SLX4IP: variants seen among roughly 807,000 people sequenced by gnomAD.
SLX4IP encodes SLX4 interacting protein.
In SLX4IP, 34 loss-of-function variants were observed where a neutral mutation model predicts 32.9. The ratio of observed to expected loss-of-function variants is 1.03; its 90% confidence interval spans 0.79 to 1.38. SLX4IP has a LOEUF of 1.38. SLX4IP is among the 40% of genes most tolerant of loss of function. The pLI is 0.00. For missense variants in SLX4IP, 444 were observed against 479.0 expected, an observed-to-expected ratio of 0.93 and a Z score of 0.68; for synonymous variants, 172 against 171.7, an observed-to-expected ratio of 1.00 and a Z score of -0.01.
In SLX4IP at chr20:10,560,586, C is replaced by A. The variant is rs1012853691; in HGVS notation, c.118-114C>A. 9 of 812,782 alleles carry A rather than the reference C, an allele frequency of 1.1e-5. No homozygotes were observed. In the South Asian group the frequency reaches 2.0e-4, roughly 18 times the overall value. The allele number at this position is 812,782 out of a possible 1,614,324, so 50.3% of individuals were successfully genotyped here. Reference sequence around the variant, plus strand: ...CATATGACATTCCTTTCAACATTCACAGCTAAATTAAAAAGCAAAATGAAA... The same window carrying A: ...CATATGACATTCCTTTCAACATTCAAAGCTAAATTAAAAAGCAAAATGAAA... On this transcript the variant is annotated intron_variant, in intron 3 of 7. Coordinates refer to ENST00000334534, the MANE Select transcript of SLX4IP (RefSeq NM_001009608.3).
intron 2 of SLX4IP, among the ~76,000 whole-genome samples, chr20:10,513,282 C>A (rs1305975909): frequency 6.6e-6 from 1 of 152,132 alleles, no homozygotes; most frequent in Non-Finnish European, 1.5e-5. Flanking sequence ...GAAACTGAAG[C>A]ACAGAAGCTT....
chr20:10,545,051 C>T (rs1246258268), intron 2 of SLX4IP, among the ~76,000 whole-genome samples: 5 of 152,070 alleles, frequency 3.3e-5, no homozygotes, highest in African/African-American at 1.2e-4. Flanking sequence ...TGAGTAGGAT[C>T]CAAGAATTTG....
At chr20:10,590,220 T>TCCTAA (rs2066691612) in intron 4 of SLX4IP, among the ~76,000 whole-genome samples, 1 of 152,164 alleles carries the variant, frequency 6.6e-6, no homozygotes, top group Non-Finnish European at 1.5e-5. Flanking sequence ...ATGAAAACTT[T>TCCTAA]GTAATTTTTT....
At chr20:10,470,316 A>T (rs1437720914) in intron 2 of SLX4IP, among the ~76,000 whole-genome samples, 1 of 152,208 alleles carries the variant, frequency 6.6e-6, no homozygotes, top group African/African-American at 2.4e-5. Flanking sequence ...AGTCCCAGAG[A>T]ATTCCATGGA....
At position 10,532,537 on chromosome 20, in the gene SLX4IP, G is replaced by T. The variant is rs557621834; in HGVS notation, c.28-23694G>T. Among the ~76,000 whole-genome samples, 3 of 152,188 alleles carry T rather than the reference G, an allele frequency of 2.0e-5. No homozygotes were observed. In the East Asian group the frequency reaches 5.8e-4, roughly 29 times the overall value. ...ACATAGTGCAGCCACATGCAGCAGG[G>T]TGTTGTCATGTGGACGATTTCATAA... is the stretch of plus-strand genomic sequence containing the variant. On this transcript the variant is annotated intron_variant, in intron 2 of 7. Coordinates refer to ENST00000334534, the MANE Select transcript of SLX4IP (RefSeq NM_001009608.3).
intron 4 of SLX4IP, among the ~76,000 whole-genome samples, chr20:10,573,706 G>T (rs1283659009): frequency 6.6e-6 from 1 of 152,188 alleles, no homozygotes; most frequent in African/African-American, 2.4e-5. Context: ...TTTAGACATT[G>T]TATTTTTTCT....
chr20:10,533,135 A>G (rs191160437), intron 2 of SLX4IP, among the ~76,000 whole-genome samples: 7 of 152,242 alleles, frequency 4.6e-5, no homozygotes, highest in Admixed American at 4.6e-4. Flanking sequence ...CTCTTGGGAA[A>G]ACTCTCATAT....
At chr20:10,467,135 C>T (rs2065386792) in intron 2 of SLX4IP, among the ~76,000 whole-genome samples, 1 of 152,206 alleles carries the variant, frequency 6.6e-6, no homozygotes, top group African/African-American at 2.4e-5. Flanking sequence ...CAAGGAATCA[C>T]TTAAATCCTG....
intron 1 of SLX4IP, among the ~76,000 whole-genome samples, chr20:10,446,956 G>GT (rs1159156612): frequency 6.6e-6 from 1 of 151,734 alleles, no homozygotes; most frequent in East Asian, 1.9e-4. Flanking sequence ...TTTCTTTATG[G>GT]TTTACATTTT....
chr20:10,476,771 T>G (rs2065478100), intron 2 of SLX4IP, among the ~76,000 whole-genome samples: 2 of 152,158 alleles, frequency 1.3e-5, no homozygotes. Context: ...TGTGTGTGTG[T>G]GTAGATAAAA....
At chr20:10,566,930 G>A (rs1011148083) in intron 4 of SLX4IP, among the ~76,000 whole-genome samples, 1 of 152,174 alleles carries the variant, frequency 6.6e-6, no homozygotes, top group Non-Finnish European at 1.5e-5. Context: ...GTGAAGATAA[G>A]GCATTGGCTC....
At chr20:10,536,137 A>T (rs1401921118) in intron 2 of SLX4IP, among the ~76,000 whole-genome samples, 1 of 152,220 alleles carries the variant, frequency 6.6e-6, no homozygotes, top group Admixed American at 6.5e-5. Context: ...TTTACATAAT[A>T]GTTCTCCACT....
At chr20:10,488,483 A>C (rs980935869) in intron 2 of SLX4IP, among the ~76,000 whole-genome samples, 2 of 152,078 alleles carry the variant, frequency 1.3e-5, no homozygotes, top group Non-Finnish European at 1.5e-5. Flanking sequence ...GAGAGAGTAC[A>C]TTTCTCTTGG....
chr20:10,565,081 G>A (rs6040025), intron 4 of SLX4IP, among the ~76,000 whole-genome samples: 15,401 of 151,674 alleles, frequency 0.1, 1,082 homozygotes, highest in African/African-American at 0.2. Flanking sequence ...GTCGAGGCCC[G>A]TCTTGATCAG....
intron 4 of SLX4IP, among the ~76,000 whole-genome samples, chr20:10,581,033 T>C (rs2066580725): frequency 6.6e-6 from 1 of 152,162 alleles, no homozygotes; most frequent in South Asian, 2.1e-4. Context: ...ATCTTTTTTT[T>C]TCTTCTGAGC....
At position 10,441,840 on chromosome 20, in the gene SLX4IP, C is replaced by A. The variant is rs557033493; in HGVS notation, c.-30+6387C>A. ...GCCTTTCAGCCTTTATCTGAGTGGT[C>A]ACCAGTGAGGCCTTTGCTCATTTGT... is the stretch of plus-strand genomic sequence containing the variant. On this transcript the variant is annotated intron_variant, in intron 1 of 7. Transcript: ENST00000334534. 3.3e-5 allele frequency among the ~76,000 whole-genome samples: 5 copies of A among 151,982 alleles called. No homozygotes were observed. In the East Asian group the frequency reaches 9.7e-4, roughly 29 times the overall value.
At chr20:10,464,062 T>G (rs2065360746) in intron 2 of SLX4IP, among the ~76,000 whole-genome samples, 1 of 152,142 alleles carries the variant, frequency 6.6e-6, no homozygotes, top group African/African-American at 2.4e-5. Flanking sequence ...ATAAACATAG[T>G]GTTTAGAAAT....
chr20:10,468,815 A>G (rs1459294461), intron 2 of SLX4IP, among the ~76,000 whole-genome samples: 2 of 152,110 alleles, frequency 1.3e-5, no homozygotes, highest in East Asian at 3.8e-4. Context: ...TTCTTTCCTA[A>G]GAACATCATC....
At chr20:10,592,385 G>A (rs1404973407) in intron 4 of SLX4IP, among the ~76,000 whole-genome samples, 1 of 151,618 alleles carries the variant, frequency 6.6e-6, no homozygotes, top group Non-Finnish European at 1.5e-5. Context: ...GTCACACTTG[G>A]ACCCATAACA....
Sources: allele counts gnomAD v4.1 joint callset (sites outside exome capture counted in the v4.1 genomes callset), GRCh38; gene constraint gnomAD v4.1.1; transcripts MANE v1.5; gene names NCBI Gene and HGNC (gene_info 2026-07-23, HGNC 2026-07-21).